The following SRCAP variants were observed in gnomAD, a reference collection of about 807,000 sequenced individuals.
SRCAP encodes chromatin remodeling protein SRCAP.
In SRCAP, 46 loss-of-function variants were observed where a neutral mutation model predicts 263.1. The ratio of observed to expected loss-of-function variants is 0.17; its 90% CI spans 0.14 to 0.22. The LOEUF (loss-of-function observed/expected upper bound fraction) is 0.22, where lower values mean the gene tolerates loss of function less well. SRCAP is among the 10% of genes least tolerant of loss of function. The pLI, the probability that SRCAP is intolerant of heterozygous loss-of-function variation, is 1.00. For synonymous variants in SRCAP, 1,813 were observed against 1,662.1 expected (o/e 1.09, Z -2.21); for missense variants, 3,695 against 4,181.9 (o/e 0.88, Z 3.21).
intron 13 of SRCAP, 93 bp downstream of exon 13, chr16:30,712,532 A>G: frequency 6.6e-7 from 1 of 1,518,318 alleles, no homozygotes; most frequent in Non-Finnish European, 8.9e-7. Flanking sequence ...CTTTTGCTTT[A>G]TTGACTCCGG....
At chr16:30,712,850 G>A (rs1200746745) in intron 14 of SRCAP, 35 bp downstream of exon 14, 1 of 1,607,802 alleles carries the variant, frequency 6.2e-7, no homozygotes, top group Non-Finnish European at 8.5e-7. Context: ...TCCTCCCATT[G>A]ATGCCTCCTT....
chr16:30,712,244 A>T lies in SRCAP; in HGVS notation c.1816-18A>T, dbSNP rs75957974. ...ATGCCTCATTTCCATTGTGTTACCTATATTTCCTCTCTGACAGGTAAAGAC... is the reference window on the plus strand; with the variant it reads ...ATGCCTCATTTCCATTGTGTTACCTTTATTTCCTCTCTGACAGGTAAAGAC... On this transcript the variant is annotated intron_variant, in intron 12 of 33. Transcript: ENST00000262518. The T allele has an allele frequency of 6.3e-7, 1 of 1,593,150 alleles. No individual in the cohort carries two copies. The highest frequency in any genetic ancestry group is 8.6e-7 in the Non-Finnish European group (1 of 1,168,858).
At chr16:30,731,043 G>C (rs2053110053) in intron 27 of SRCAP, among the ~76,000 whole-genome samples, 1 of 152,058 alleles carries the variant, frequency 6.6e-6, no homozygotes, top group Admixed American at 6.6e-5. Context: ...TCATGCTTTT[G>C]TTTCTTCATG....
In SRCAP at chr16:30,709,885, G is replaced by A. The variant is rs760370639; in HGVS notation, c.891G>A (p.Glu297=). 2 of 1,614,176 alleles carry A rather than the reference G, an allele frequency of 1.2e-6. No homozygotes were observed. The highest frequency in any genetic ancestry group is 3.3e-5 in the Admixed American group (2 of 60,014). Residue 297 remains glutamate, a synonymous_variant, in exon 8 of 34, where the codon GAG becomes GAA. Transcript: ENST00000262518. ...GDFQPQEDEE[E]DDEETIEVEE... Reference sequence around the variant, plus strand: ...TTCAACCCCAAGAGGATGAGGAAGAGGATGATGAGGAAACGATTGAAGTTG... The same window carrying A: ...TTCAACCCCAAGAGGATGAGGAAGAAGATGATGAGGAAACGATTGAAGTTG...
At chr16:30,714,085 A>G (rs1596649114) in intron 16 of SRCAP, among the ~76,000 whole-genome samples, 1 of 119,286 alleles carries the variant, frequency 8.4e-6, no homozygotes, top group Non-Finnish European at 1.7e-5. Context: ...TTTTTTTTTG[A>G]GACAGAGTTC....
chr16:30,703,167 A>G (rs546294897), intron 3 of SRCAP, among the ~76,000 whole-genome samples: 2 of 150,344 alleles, frequency 1.3e-5, no homozygotes, highest in African/African-American at 2.5e-5. Context: ...ATATATATAT[A>G]TGTATGTATA....
intron 16 of SRCAP, 67 bp downstream of exon 16, chr16:30,713,778 G>C (rs746981195): frequency 2.8e-5 from 41 of 1,487,416 alleles, no homozygotes; most frequent in Non-Finnish European, 3.5e-5. Context: ...CACCTGGGCA[G>C]TGCCCAGGAA....
chr16:30,699,465 C>T (rs1425041201), intron 1 of SRCAP, among the ~76,000 whole-genome samples: 1 of 152,060 alleles, frequency 6.6e-6, no homozygotes, highest in Non-Finnish European at 1.5e-5. Flanking sequence ...TGTCTCAAGG[C>T]GCAGGTATGG....
Position 30,733,255 on chromosome 16 carries a change from C to G in SRCAP, c.6128-25C>G. On this transcript the variant is annotated intron_variant, in intron 27 of 33. Coordinates refer to ENST00000262518, the MANE Select transcript of SRCAP (RefSeq NM_006662.3). The surrounding 1 kb of genome is among the most constrained non-coding windows in gnomAD (Gnocchi z 5.3). ...ACCCATTGCGGCTTGTAGCTAGCTC[C>G]CTGTATCCCTTCATATCTCTTTAGG... 2 of 1,610,374 alleles carry G rather than the reference C, an allele frequency of 1.2e-6. No individual in the cohort carries two copies. The highest frequency in any genetic ancestry group is 1.7e-6 in the Non-Finnish European group (2 of 1,179,142).
intron 24 of SRCAP, 144 bp downstream of exon 24, chr16:30,723,373 T>C: frequency 7.0e-7 from 1 of 1,421,218 alleles, no homozygotes; most frequent in South Asian, 1.5e-5. Context: ...CTGGGCTGCC[T>C]GAGCCCTGAC....
Position 30,724,790 on chromosome 16 carries a change from C to T in SRCAP, c.5366C>T (p.Thr1789Ile). ...GCCCCAGCTTCAGTGCAGACACTGA[C>T]CTTGAGCCCTGCCCCAGTTCCTACC... is the stretch of plus-strand genomic sequence containing the variant. ...LLAPASVQTL[T>I]LSPAPVPTLG... The change falls in exon 25 of 34, where the codon ACC becomes ATC. Residue 1789 changes from threonine to isoleucine, a missense_variant. Around this residue, in one of 12 missense-constraint regions of SRCAP, gnomAD observed 1,347 missense variants for 1,304.4 expected, o/e 1.03. Transcript: ENST00000262518. 6.2e-7 allele frequency: 1 copy of T among 1,613,580 alleles called. No homozygotes were observed. The highest frequency in any genetic ancestry group is 8.5e-7 in the Non-Finnish European group (1 of 1,179,700).
chr16:30,715,179 C>CTG (rs1463209038), intron 16 of SRCAP, among the ~76,000 whole-genome samples: 3 of 152,196 alleles, frequency 2.0e-5, no homozygotes, highest in African/African-American at 7.2e-5. Flanking sequence ...CTCTTGAACT[C>CTG]AACACTGTTC....
intron 22 of SRCAP, 70 bp from the exon 23 acceptor site, chr16:30,722,493 C>T: frequency 3.2e-6 from 5 of 1,573,180 alleles, no homozygotes; most frequent in East Asian, 2.2e-5. Flanking sequence ...TTCTTCTCTT[C>T]TTGCCTTGCC....
At position 30,707,383 on chromosome 16, in the gene SRCAP, G is replaced by A. The variant is rs2151286294; in HGVS notation, c.492+15G>A. 6.2e-7 allele frequency: 1 copy of A among 1,612,282 alleles called. No individual in the cohort carries two copies. On this transcript the variant is annotated intron_variant, in intron 5 of 33. Transcript: ENST00000262518. ...TGGCCCGGAAGGTAGGTCTTCCGCTGGGACTTCCTTCCTTTTCCTTTTCAG... is the reference window on the plus strand; with the variant it reads ...TGGCCCGGAAGGTAGGTCTTCCGCTAGGACTTCCTTCCTTTTCCTTTTCAG...
Position 30,737,486 on chromosome 16 carries a change from G to A in SRCAP, c.7446G>A (p.Leu2482=). The A allele has an allele frequency of 6.3e-7, 1 of 1,594,636 alleles. No individual in the cohort carries two copies. Among genetic ancestry groups the A allele is most frequent in the South Asian group, 1.1e-5 (1 of 90,278 alleles). The change falls in exon 34 of 34, where the codon TTG becomes TTA. Residue 2482 remains leucine (L), a synonymous_variant. Coordinates refer to ENST00000262518, the MANE Select transcript of SRCAP (RefSeq NM_006662.3). ...TAACCATTCTCCCTGTCCATATCTT[G>A]CCTTCTCCTCCCCCTCCTTCACAGA... ...NPITILPVHI[L]PSPPPPSQIP...
rs1425438307 is a variant in SRCAP, at chr16:30,739,177, G to A, written c.9137G>A (p.Gly3046Asp). 1 of 1,613,966 alleles carries A rather than the reference G, an allele frequency of 6.2e-7. No individual in the cohort carries two copies. The highest frequency in any genetic ancestry group is 8.5e-7 in the Non-Finnish European group (1 of 1,180,038). The change falls in exon 34 of 34, where the codon GGC becomes GAC. Residue 3046 changes from glycine (G) to aspartate (D), a missense_variant. Transcript: ENST00000262518. ...TTGGGGAGGCGACGGCAACCCCAGG[G>A]CCAAGGGGAGAGTGAGGGTAGTTCC... Reference protein sequence around the residue: ...CGLGRRRQPQGQGESEGSSSD... With the variant: ...CGLGRRRQPQDQGESEGSSSD...
chr16:30,739,518 C>T lies in SRCAP; in HGVS notation c.9478C>T (p.Pro3160Ser), dbSNP rs551057020. ...GGCAAAGCGGGGCCGCCTACAGCCC[C>T]CAAGTCCCCTGGGGCCTGAGGGTTC... ...GLAKRGRLQP[P>S]SPLGPEGSVE... Residue 3160 changes from proline to serine, a missense_variant, in exon 34 of 34, where the codon CCA (proline) becomes TCA (serine). Transcript: ENST00000262518. 1.2e-6 allele frequency: 2 copies of T among 1,612,770 alleles called. No individual in the cohort carries two copies. Among genetic ancestry groups the T allele is most frequent in the African/African-American group, 1.3e-5 (1 of 75,058 alleles).
At position 30,739,442 on chromosome 16, in the gene SRCAP, G is replaced by A. The variant is rs2053200631; in HGVS notation, c.9402G>A (p.Glu3134=). ...CTCTAGTCCCCCCACTAGAGACTGA[G>A]AAGTTGCCTCGCAAACGAGCAGGGG... ...PGSLVPPLET[E]KLPRKRAGAP... is the part of the protein sequence containing the mutation. Residue 3134 remains glutamate (E), a synonymous_variant, in exon 34 of 34, where the codon GAG becomes GAA. Coordinates refer to ENST00000262518, the MANE Select transcript of SRCAP (RefSeq NM_006662.3). 1.9e-6 allele frequency: 3 copies of A among 1,614,224 alleles called. No homozygotes were observed. The highest frequency in any genetic ancestry group is 2.5e-6 in the Non-Finnish European group (3 of 1,180,034).
At position 30,712,246 on chromosome 16, in the gene SRCAP, A is replaced by G. The variant is rs755432706; in HGVS notation, c.1816-16A>G. On this transcript the variant is annotated splice_polypyrimidine_tract_variant and intron_variant, in intron 12 of 33. Transcript: ENST00000262518. Reference sequence around the variant, plus strand: ...GCCTCATTTCCATTGTGTTACCTATATTTCCTCTCTGACAGGTAAAGACGC... The same window carrying G: ...GCCTCATTTCCATTGTGTTACCTATGTTTCCTCTCTGACAGGTAAAGACGC... 5.0e-6 allele frequency: 8 copies of G among 1,592,662 alleles called. No homozygotes were observed. The highest frequency in any genetic ancestry group is 6.8e-6 in the Non-Finnish European group (8 of 1,168,644).
Sources: allele counts gnomAD v4.1 joint callset (sites outside exome capture counted in the v4.1 genomes callset), GRCh38; gene constraint gnomAD v4.1.1; regional missense constraint gnomAD v4.1.1; non-coding constraint Gnocchi (gnomAD v3.1); transcripts MANE v1.5; gene names NCBI Gene and HGNC (gene_info 2026-07-23, HGNC 2026-07-21).